Variants in SINHCAF observed in about 807,000 individuals in gnomAD.
SINHCAF encodes SIN3-HDAC complex-associated factor.
Under a neutral mutation model 25.8 loss-of-function variants are expected in SINHCAF, and 3 were observed. That is an observed-to-expected ratio of 0.12 (90% CI 0.05 to 0.30). The LOEUF is 0.30. SINHCAF is among the 10% of genes least tolerant of loss of function. SINHCAF has a pLI of 1.00. For synonymous variants in SINHCAF, 70 were observed against 85.5 expected (o/e 0.82, Z 1.00); for missense variants, 121 against 262.3 (o/e 0.46, Z 3.72).
At chr12:31,307,868 A>G (rs936299980) in intron 1 of SINHCAF, among the ~76,000 whole-genome samples, 6 of 152,152 alleles carry the variant, frequency 3.9e-5, no homozygotes, top group Non-Finnish European at 7.3e-5. Context: ...TCAACATACC[A>G]AATGTGTTCC....
intron 1 of SINHCAF, chr12:31,303,528 G>C (rs1181191518): frequency 6.6e-6 from 1 of 151,818 alleles, no homozygotes; most frequent in African/African-American, 2.4e-5. Flanking sequence ...TGCCCACACT[G>C]GTCTCAAACT....
At chr12:31,297,427 T>C (rs1938593400) in intron 2 of SINHCAF, among the ~76,000 whole-genome samples, 1 of 151,424 alleles carries the variant, frequency 6.6e-6, no homozygotes, top group Non-Finnish European at 1.5e-5. Context: ...CCCAAAGTGC[T>C]GGGATTACTA....
At chr12:31,283,854 T>TCACACACA (rs1217044076) in intron 5 of SINHCAF, among the ~76,000 whole-genome samples, 1 of 39,140 alleles carries the variant, frequency 2.6e-5, no homozygotes, top group Non-Finnish European at 5.3e-5. Context: ...CAGTTATCCA[T>TCACACACA]TACACACACA....
At chr12:31,320,202 GA>G (rs1939646598) in intron 1 of SINHCAF, among the ~76,000 whole-genome samples, 1 of 152,122 alleles carries the variant, frequency 6.6e-6, no homozygotes, top group African/African-American at 2.4e-5. Context: ...CCTTGGCAAG[GA>G]ATTCAAAGCT....
chr12:31,301,541 A>C lies in SINHCAF; in HGVS notation c.-20-3317T>G, dbSNP rs78561095. On this transcript the variant is annotated intron_variant, in intron 1 of 5. Transcript: ENST00000337682. ...TGAACCTTTTAATGGATGACAACTTAATAAACCTATTAAGCCTTTTCTGAG... is the reference window on the plus strand; with the variant it reads ...TGAACCTTTTAATGGATGACAACTTCATAAACCTATTAAGCCTTTTCTGAG... Among the ~76,000 whole-genome samples, 669 of 152,274 alleles carry C rather than the reference A, an allele frequency of 4.4e-3. 6 individuals carry two copies. Among genetic ancestry groups the C allele is most frequent in the African/African-American group, 0.015 (641 of 41,526 alleles).
intron 1 of SINHCAF, among the ~76,000 whole-genome samples, chr12:31,300,849 T>C (rs1192342522): frequency 6.6e-6 from 1 of 152,194 alleles, no homozygotes; most frequent in African/African-American, 2.4e-5. Context: ...GTTCCTCTAA[T>C]ACTCTCCAAC....
rs951784878 is a variant in SINHCAF at position 31,281,130 on chromosome 12, G to A, written c.*1582C>T. On this transcript the variant is annotated 3_prime_UTR_variant, in exon 6 of 6. Transcript: ENST00000337682. ...GTTTAAAAAATAAGCACTGAGTCTT[G>A]TTATTACAAGGCAGGCAAATGTTTC... 2.0e-5 allele frequency: 3 copies of A among 152,184 alleles called. No individual in the cohort carries two copies. The highest frequency in any genetic ancestry group is 2.9e-5 in the Non-Finnish European group (2 of 68,038). The allele number at this position is 152,184 out of a possible 1,614,324, so 9.4% of individuals were successfully genotyped here. A position where few individuals can be genotyped will look rare whatever the true frequency, so the allele number is the denominator to read the frequency against.
intron 3 of SINHCAF, 108 bp from the exon 4 acceptor site, chr12:31,294,039 G>A (rs377191593): frequency 1.3e-6 from 1 of 757,066 alleles, no homozygotes; most frequent in East Asian, 3.0e-5. Context: ...ACTGAAAAGA[G>A]GATGAAGCTC....
chr12:31,286,093 T>A (rs149575694), intron 5 of SINHCAF, among the ~76,000 whole-genome samples: 1 of 152,166 alleles, frequency 6.6e-6, no homozygotes, highest in Non-Finnish European at 1.5e-5. Flanking sequence ...ACTACCAATA[T>A]TGTATTGGTT....
At chr12:31,310,948 C>A (rs2137120013) in intron 1 of SINHCAF, among the ~76,000 whole-genome samples, 1 of 151,270 alleles carries the variant, frequency 6.6e-6, no homozygotes, top group African/African-American at 2.4e-5. Context: ...CCGCTCATTG[C>A]AACCTCCGCC....
chr12:31,302,798 G>T, intron 1 of SINHCAF: 1 of 335,464 alleles, frequency 3.0e-6, no homozygotes, highest in Non-Finnish European at 4.2e-6. Context: ...GGGTCTGGCG[G>T]AAGGATGATT....
In SINHCAF at chr12:31,293,908, G is replaced by A. The variant is rs763004634; in HGVS notation, c.252C>T (p.Pro84=). 10 of 1,611,394 alleles carry A rather than the reference G, an allele frequency of 6.2e-6. No homozygotes were observed. In the Admixed American group the frequency reaches 1.7e-4, roughly 27 times the overall value. Residue 84 remains proline, a synonymous_variant, in exon 4 of 6, where the codon CCC becomes CCT. Transcript: ENST00000337682. ...WNHVVDARAG[P]SLKTTLKPKK... ...TTGGTTTCAATGTAGTCTTTAGACT[G>A]GGTCCAGCCCTTGCATCTACCACCT...
chr12:31,313,672 G>A (rs1244291972), intron 1 of SINHCAF, among the ~76,000 whole-genome samples: 2 of 151,950 alleles, frequency 1.3e-5, no homozygotes, highest in East Asian at 3.9e-4. Flanking sequence ...TTCTGAGACG[G>A]AGTTTCGCTC....
In SINHCAF at chr12:31,325,583, C is replaced by A; in HGVS notation, c.-21+441G>T. On this transcript the variant is annotated intron_variant, in intron 1 of 5. Coordinates refer to ENST00000337682, the MANE Select transcript of SINHCAF (RefSeq NM_001135812.2). This position sits in a 1 kb window ranked among gnomAD's most constrained non-coding sequence, Gnocchi z 5.9. Reference sequence around the variant, plus strand: ...CGACCCTGCCCGCGCCTCGCGCCCACGCGGACGCACCGACCCCGGCCGCTG... The same window carrying A: ...CGACCCTGCCCGCGCCTCGCGCCCAAGCGGACGCACCGACCCCGGCCGCTG... The A allele has an allele frequency of 5.1e-6, 1 of 195,220 alleles. No homozygotes were observed. Among genetic ancestry groups the A allele is most frequent in the South Asian group, 6.7e-5 (1 of 14,998 alleles). The allele number at this position is 195,220 out of a possible 1,614,324, so 12.1% of individuals were successfully genotyped here.
intron 1 of SINHCAF, among the ~76,000 whole-genome samples, chr12:31,319,711 G>A (rs181588377): frequency 8.2e-4 from 124 of 151,974 alleles, no homozygotes; most frequent in African/African-American, 2.9e-3. Context: ...CTGTCTTTGG[G>A]CAATCCACTC....
chr12:31,305,803 G>A (rs886450780), intron 1 of SINHCAF, among the ~76,000 whole-genome samples: 5 of 151,158 alleles, frequency 3.3e-5, no homozygotes, highest in Non-Finnish European at 7.4e-5. Context: ...AGGTTTAAGC[G>A]ATTCTCCTGC....
intron 5 of SINHCAF, among the ~76,000 whole-genome samples, chr12:31,285,472 G>A (rs1388231267): frequency 3.0e-5 from 4 of 134,476 alleles, no homozygotes; most frequent in Non-Finnish European, 3.3e-5. Context: ...AATGTTATTC[G>A]ACAATATTGT....
intron 1 of SINHCAF, among the ~76,000 whole-genome samples, chr12:31,308,511 G>A (rs909995335): frequency 1.3e-5 from 2 of 152,158 alleles, no homozygotes; most frequent in East Asian, 1.9e-4. Flanking sequence ...TTTGACTTGA[G>A]AAAGACAAAA....
At chr12:31,312,137 T>C (rs1196944503) in intron 1 of SINHCAF, 3 of 416,914 alleles carry the variant, frequency 7.2e-6, no homozygotes, top group African/African-American at 6.2e-5. Flanking sequence ...GTTTTTCCTG[T>C]TTTTAAACTT....
Sources: allele counts gnomAD v4.1 joint callset (sites outside exome capture counted in the v4.1 genomes callset), GRCh38; gene constraint gnomAD v4.1.1; non-coding constraint Gnocchi (gnomAD v3.1); transcripts MANE v1.5; gene names NCBI Gene and HGNC (gene_info 2026-07-23, HGNC 2026-07-21).